Variants in CNTN5 observed in about 807,000 individuals in gnomAD.
CNTN5 encodes contactin 5.
Under a neutral mutation model 129.1 loss-of-function variants are expected in CNTN5, and 77 were observed. That is an observed-to-expected ratio of 0.60 (90% CI 0.50 to 0.72). The LOEUF (loss-of-function observed/expected upper bound fraction) is 0.72, where lower values mean the gene tolerates loss of function less well. CNTN5 is among the 30% of genes least tolerant of loss of function. The pLI is 0.00. For missense variants in CNTN5, 1,478 were observed against 1,328.8 expected, an observed-to-expected ratio of 1.11 and a Z score of -1.75; for synonymous variants, 509 against 465.6, an observed-to-expected ratio of 1.09 and a Z score of -1.20.
At chr11:100,134,373 G>A (rs867091602) in intron 13 of CNTN5, among the ~76,000 whole-genome samples, 4 of 152,214 alleles carry the variant, frequency 2.6e-5, no homozygotes, top group Middle Eastern at 3.4e-3. Context: ...TTTATTGGCT[G>A]TATTTCCTTG....
intron 9 of CNTN5, among the ~76,000 whole-genome samples, chr11:100,046,198 T>A (rs1241197953): frequency 6.6e-6 from 1 of 151,824 alleles, no homozygotes; most frequent in Non-Finnish European, 1.5e-5. Flanking sequence ...AATGATGAGT[T>A]AATGGGTGCA....
chr11:99,222,244 A>G (rs1860431920), intron 1 of CNTN5, among the ~76,000 whole-genome samples: 1 of 151,958 alleles, frequency 6.6e-6, no homozygotes, highest in Non-Finnish European at 1.5e-5. Flanking sequence ...CCATCGATAC[A>G]AACATGAAAA....
chr11:100,041,817 A>T (rs1214400115), intron 9 of CNTN5, among the ~76,000 whole-genome samples: 1 of 152,186 alleles, frequency 6.6e-6, no homozygotes, highest in Admixed American at 6.5e-5. Flanking sequence ...TCTTTACCTA[A>T]ATTAGATTCT....
At chr11:99,793,018 T>C (rs568443789) in intron 3 of CNTN5, among the ~76,000 whole-genome samples, 1 of 152,198 alleles carries the variant, frequency 6.6e-6, no homozygotes, top group East Asian at 1.9e-4. Context: ...TTCCCTCTTT[T>C]ATTTTTTTGC....
intron 6 of CNTN5, among the ~76,000 whole-genome samples, chr11:99,882,217 T>C (rs949798390): frequency 6.6e-6 from 1 of 152,228 alleles, no homozygotes; most frequent in African/African-American, 2.4e-5. Flanking sequence ...ATTTTATATA[T>C]GAGTTTTCAT....
At chr11:99,906,394 G>T (rs1214120001) in intron 6 of CNTN5, among the ~76,000 whole-genome samples, 1 of 152,076 alleles carries the variant, frequency 6.6e-6, no homozygotes, top group South Asian at 2.1e-4. Context: ...ATCTATTGAG[G>T]TAATCATGTG....
At chr11:100,293,466 G>A (rs1951037885) in intron 18 of CNTN5, among the ~76,000 whole-genome samples, 1 of 151,750 alleles carries the variant, frequency 6.6e-6, no homozygotes, top group Non-Finnish European at 1.5e-5. Flanking sequence ...TTTCAAGATT[G>A]CGTGTGTATA....
chr11:99,938,238 A>C (rs1458864069), intron 7 of CNTN5, among the ~76,000 whole-genome samples: 3 of 152,164 alleles, frequency 2.0e-5, no homozygotes, highest in Non-Finnish European at 4.4e-5. Context: ...ACATTCTAGG[A>C]TTCTAGTTAT....
At chr11:99,857,671 C>T (rs1387127875) in intron 6 of CNTN5, among the ~76,000 whole-genome samples, 1 of 151,996 alleles carries the variant, frequency 6.6e-6, no homozygotes, top group African/African-American at 2.4e-5. Flanking sequence ...TAATATCTTA[C>T]ATATCATATT....
At chr11:99,866,547 A>G (rs1283221691) in intron 6 of CNTN5, among the ~76,000 whole-genome samples, 3 of 152,164 alleles carry the variant, frequency 2.0e-5, no homozygotes, top group African/African-American at 7.2e-5. Flanking sequence ...GGTATCTGCT[A>G]TGCATGGTAG....
At chr11:99,619,909 C>T (rs1240003781) in intron 3 of CNTN5, among the ~76,000 whole-genome samples, 1 of 151,162 alleles carries the variant, frequency 6.6e-6, no homozygotes, top group Non-Finnish European at 1.5e-5. Flanking sequence ...GCCTGTAGTC[C>T]CAGCTACTCG....
intron 9 of CNTN5, among the ~76,000 whole-genome samples, chr11:100,010,053 C>A (rs770251144): frequency 8.5e-5 from 13 of 152,098 alleles, no homozygotes; most frequent in Admixed American, 2.0e-4. Flanking sequence ...TTTTAAACAT[C>A]AGGTACAATA....
chr11:100,178,201 A>G (rs572542257), intron 13 of CNTN5, among the ~76,000 whole-genome samples: 2 of 152,282 alleles, frequency 1.3e-5, no homozygotes, highest in African/African-American at 2.4e-5. Flanking sequence ...TACAGCTGCC[A>G]TCATGCCTCT....
At chr11:99,554,370 C>G (rs1007968432) in intron 2 of CNTN5, among the ~76,000 whole-genome samples, 1 of 152,052 alleles carries the variant, frequency 6.6e-6, no homozygotes, top group African/African-American at 2.4e-5. Flanking sequence ...ACTGAAGATC[C>G]TTTGCTACTG....
chr11:99,888,543 G>A (rs908882358), intron 6 of CNTN5, among the ~76,000 whole-genome samples: 4 of 152,088 alleles, frequency 2.6e-5, no homozygotes, highest in Non-Finnish European at 4.4e-5. Context: ...GGGTACCATC[G>A]GGGAAACATC....
intron 3 of CNTN5, among the ~76,000 whole-genome samples, chr11:99,712,253 G>GT (rs565729186): frequency 2.0e-5 from 3 of 152,036 alleles, no homozygotes; most frequent in Admixed American, 6.6e-5. Flanking sequence ...TCTTTCATAT[G>GT]TTTTTTTGGC....
chr11:100,206,885 A>T (rs1285327889), intron 15 of CNTN5, among the ~76,000 whole-genome samples: 1 of 152,030 alleles, frequency 6.6e-6, no homozygotes, highest in Non-Finnish European at 1.5e-5. Context: ...ATTAAATAAA[A>T]TGTTTAATTA....
At chr11:100,256,781 C>T (rs978261895) in intron 17 of CNTN5, among the ~76,000 whole-genome samples, 3 of 152,092 alleles carry the variant, frequency 2.0e-5, no homozygotes, top group Admixed American at 1.3e-4. Context: ...AGATACTACA[C>T]TTTTCTCAGA....
At chr11:100,193,771 A>C in intron 15 of CNTN5, 108 bp downstream of exon 15, 16 of 803,686 alleles carry the variant, frequency 2.0e-5, no homozygotes, top group Admixed American at 3.4e-5. Context: ...AAAACAGAAC[A>C]TCGACTTGAT....
Sources: gnomAD v4.1 joint callset for allele counts (sites outside exome capture counted in the v4.1 genomes callset) on GRCh38, gnomAD v4.1.1 for gene constraint, MANE v1.5 for transcripts, NCBI Gene and HGNC (gene_info 2026-07-23, HGNC 2026-07-21) for gene names.